Variants in DNAH7 observed in about 807,000 individuals in gnomAD.
The protein encoded by DNAH7 is axonemal beta dynein heavy chain 7.
A neutral mutation model predicts 444.6 loss-of-function variants in DNAH7; 397 were observed. That is an observed-to-expected ratio of 0.89 (90% CI 0.82 to 0.97). DNAH7 has a LOEUF of 0.97. Ranked by LOEUF, DNAH7 falls within the 50% of genes least tolerant of loss-of-function variation. The pLI, the probability that DNAH7 is intolerant of heterozygous loss-of-function variation, is 0.00. For missense variants in DNAH7, 4,902 were observed against 4,800.8 expected (o/e 1.02, Z -0.62); for synonymous variants, 1,636 against 1,624.4 (o/e 1.01, Z -0.17).
At chr2:195,859,187 C>T in intron 42 of DNAH7, among the ~76,000 whole-genome samples, 1 of 152,222 alleles carries the variant, frequency 6.6e-6, no homozygotes, top group East Asian at 2.0e-4. Flanking sequence ...TTTATGATCA[C>T]TTATTTTAAA....
intron 8 of DNAH7, 143 bp downstream of exon 8, chr2:196,024,286 G>A: frequency 2.1e-6 from 1 of 480,774 alleles, no homozygotes. Context: ...GATGAGGCAT[G>A]CCTGTATATG....
rs1391281727 is a variant in DNAH7, at chr2:195,861,922, C to T, written c.7531G>A (p.Ala2511Thr). ...FQSWPEDALQ[A>T]VASRFLEEIE... ...TCTTCCAAGAATCGTGAGGCAACTG[C>T]CTGGAGTGCATCTTCAGGCCATGAC... The change falls in exon 42 of 65, where the codon GCA (alanine) becomes ACA (threonine). Residue 2511 changes from alanine (A) to threonine (T), a missense_variant. Ala to Thr is a moderately conservative substitution (Grantham distance 58). Coordinates refer to ENST00000312428, the MANE Select transcript of DNAH7 (RefSeq NM_018897.3). The T allele has an allele frequency of 1.9e-6, 3 of 1,613,692 alleles. No individual in the cohort carries two copies. Among genetic ancestry groups the T allele is most frequent in the Middle Eastern group, 3.3e-4 (2 of 6,060 alleles).
chr2:195,794,540 T>A lies in DNAH7; in HGVS notation c.10516-2A>T. 6.2e-7 allele frequency: 1 copy of A among 1,613,802 alleles called. No homozygotes were observed. ...ATGTGTTGACTCTGGGCTTAACTCC[T>A]GTAAGAAAATAAATCAGATACAAAA... On this transcript the variant is annotated splice_acceptor_variant, in intron 56 of 64. Coordinates refer to ENST00000312428, the MANE Select transcript of DNAH7 (RefSeq NM_018897.3). LOFTEE classifies it high-confidence loss of function.
chr2:195,835,513 C>A (rs553972666), intron 47 of DNAH7, among the ~76,000 whole-genome samples: 32 of 151,900 alleles, frequency 2.1e-4, no homozygotes, highest in Admixed American at 4.6e-4. Flanking sequence ...ATAAAAAAAA[C>A]CATATTTTTA....
In DNAH7 at chr2:196,037,953, T is replaced by C. The variant is rs143497456; in HGVS notation, c.398+9399A>G. Among the ~76,000 whole-genome samples the C allele has an allele frequency of 3.6e-3, 549 of 152,278 alleles. 4 individuals are homozygous for C. Among genetic ancestry groups the C allele is most frequent in the African/African-American group, 0.012 (516 of 41,568 alleles). On this transcript the variant is annotated intron_variant, in intron 5 of 64. Transcript: ENST00000312428. ...TGTGGCACAACATATATAGTTAATCTGTCAAAAGTCAAAGACAAAGAATTC... is the reference window on the plus strand; with the variant it reads ...TGTGGCACAACATATATAGTTAATCCGTCAAAAGTCAAAGACAAAGAATTC...
At chr2:196,009,392 G>A (rs546756438) in intron 10 of DNAH7, among the ~76,000 whole-genome samples, 1 of 152,098 alleles carries the variant, frequency 6.6e-6, no homozygotes, top group Non-Finnish European at 1.5e-5. Context: ...ATTGGGTACC[G>A]CTGGAAGCAG....
At chr2:195,985,693 T>C (rs1314219365) in intron 14 of DNAH7, among the ~76,000 whole-genome samples, 1 of 152,084 alleles carries the variant, frequency 6.6e-6, no homozygotes. Context: ...TGGGAAAAAG[T>C]AGAACTGGCA....
At chr2:195,924,944 C>A (rs1245923990) in intron 22 of DNAH7, among the ~76,000 whole-genome samples, 2 of 152,168 alleles carry the variant, frequency 1.3e-5, no homozygotes, top group African/African-American at 4.8e-5. Context: ...GCTTTTTCTA[C>A]TTTAAAAACA....
intron 51 of DNAH7, among the ~76,000 whole-genome samples, chr2:195,815,500 T>A (rs183264514): frequency 1.3e-5 from 2 of 152,276 alleles, no homozygotes; most frequent in South Asian, 4.1e-4. Flanking sequence ...AGGAATTAAA[T>A]TCAGATTTTA....
chr2:195,943,513 T>C (rs778827531), intron 19 of DNAH7, among the ~76,000 whole-genome samples: 20 of 152,260 alleles, frequency 1.3e-4, no homozygotes, highest in Middle Eastern at 3.4e-3. Flanking sequence ...GGCTTCCATA[T>C]TGAAAGAGGG....
chr2:196,024,207 A>C (rs1044803224), intron 8 of DNAH7, among the ~76,000 whole-genome samples: 2 of 152,196 alleles, frequency 1.3e-5, no homozygotes, highest in African/African-American at 4.8e-5. Context: ...AGTTGCAAAA[A>C]ACCCTCACAA....
intron 19 of DNAH7, among the ~76,000 whole-genome samples, chr2:195,950,458 C>A (rs1690145596): frequency 6.6e-6 from 1 of 151,898 alleles, no homozygotes; most frequent in East Asian, 1.9e-4. Flanking sequence ...GGTGATATCC[C>A]CTTTATCATT....
At chr2:195,988,496 A>G (rs1418826261) in intron 12 of DNAH7, among the ~76,000 whole-genome samples, 1 of 152,140 alleles carries the variant, frequency 6.6e-6, no homozygotes, top group Non-Finnish European at 1.5e-5. Context: ...AATTGAAAAT[A>G]TATACAAAAT....
intron 19 of DNAH7, among the ~76,000 whole-genome samples, chr2:195,940,905 C>G (rs540315161): frequency 3.3e-5 from 5 of 152,098 alleles, no homozygotes; most frequent in African/African-American, 9.7e-5. Flanking sequence ...GAAATAGGAA[C>G]GCTTTTACAC....
intron 21 of DNAH7, among the ~76,000 whole-genome samples, chr2:195,933,842 A>G (rs1328263450): frequency 2.0e-5 from 3 of 152,154 alleles, no homozygotes; most frequent in African/African-American, 7.2e-5. Context: ...TGGCACATGT[A>G]TACAAATGTA....
intron 47 of DNAH7, among the ~76,000 whole-genome samples, chr2:195,844,401 T>C (rs184875862): frequency 1.6e-4 from 25 of 152,244 alleles, no homozygotes; most frequent in Middle Eastern, 3.4e-3. Flanking sequence ...TACAAGATTG[T>C]CCTCACACTG....
intron 1 of DNAH7, among the ~76,000 whole-genome samples, chr2:196,059,227 G>A (rs940795354): frequency 3.3e-5 from 5 of 151,798 alleles, no homozygotes; most frequent in African/African-American, 1.2e-4. Context: ...TTTTCCCCCC[G>A]CAAGCTGCCA....
At chr2:195,784,440 CT>C (rs1339764661) in intron 58 of DNAH7, among the ~76,000 whole-genome samples, 1 of 152,104 alleles carries the variant, frequency 6.6e-6, no homozygotes, top group Non-Finnish European at 1.5e-5. Flanking sequence ...TAGCTTATTT[CT>C]TTTTAGCACG....
rs763433441 is a variant in DNAH7, at chr2:195,960,630, T to C, written c.2521A>G (p.Ile841Val). 2.5e-6 allele frequency: 4 copies of C among 1,614,114 alleles called. No individual in the cohort carries two copies. The African/African-American group carries it at 5.3e-5, about 22-fold the overall frequency. ...VEDFKQHIPL[I>V]QVICNPGLRP... ...AAACCAGGATTACAGATCACTTGAA[T>C]GAGAGGAATGTGCTGCTTGAAATCT... Residue 841 changes from isoleucine (I) to valine (V), a missense_variant, in exon 18 of 65, where the codon ATT (isoleucine) becomes GTT (valine). Physicochemically the swap from Ile to Val is conservative, Grantham distance 29 (BLOSUM62 3). Transcript: ENST00000312428.
Sources: gnomAD v4.1 joint callset for allele counts (sites outside exome capture counted in the v4.1 genomes callset) on GRCh38, gnomAD v4.1.1 for gene constraint, MANE v1.5 for transcripts, NCBI Gene and HGNC (gene_info 2026-07-23, HGNC 2026-07-21) for gene names.